The following FGF12 variants were observed in gnomAD, a reference collection of about 807,000 sequenced individuals.
The protein encoded by FGF12 is fibroblast growth factor 12B.
In FGF12, 14 loss-of-function variants were observed where a neutral mutation model predicts 23.6. That is an observed-to-expected ratio of 0.59 (90% CI 0.39 to 0.93). The LOEUF (loss-of-function observed/expected upper bound fraction) is 0.93, where lower values mean the gene tolerates loss of function less well. Among genes scored for constraint, FGF12 ranks in the 40% least tolerant of loss-of-function variants. FGF12 has a pLI of 0.00. For missense variants in FGF12, 175 were observed against 217.8 expected, an observed-to-expected ratio of 0.80 and a Z score of 1.24; for synonymous variants, 62 against 77.3, an observed-to-expected ratio of 0.80 and a Z score of 1.04.
chr3:192,225,934 C>T (rs1165879486), intron 4 of FGF12, among the ~76,000 whole-genome samples: 2 of 152,130 alleles, frequency 1.3e-5, no homozygotes, highest in Admixed American at 6.6e-5. Context: ...AAACTGATGG[C>T]TGCCAGGGGC....
intron 2 of FGF12, among the ~76,000 whole-genome samples, chr3:192,668,286 C>T (rs144121307): frequency 1.3e-5 from 2 of 152,202 alleles, no homozygotes; most frequent in East Asian, 3.9e-4. Flanking sequence ...GGAACCAGAG[C>T]GGCAACCCAC....
intron 2 of FGF12, among the ~76,000 whole-genome samples, chr3:192,372,391 TCACACACA>T (rs58664869): frequency 1.3e-5 from 2 of 149,090 alleles, no homozygotes; most frequent in African/African-American, 2.4e-5. Context: ...TTTCATACCA[TCACACACA>T]CACACACACA....
At chr3:192,549,141 G>A (rs1560147096) in intron 2 of FGF12, among the ~76,000 whole-genome samples, 1 of 152,206 alleles carries the variant, frequency 6.6e-6, no homozygotes, top group Non-Finnish European at 1.5e-5. Flanking sequence ...TATCAAAGCT[G>A]TTGAAAGATT....
intron 2 of FGF12, among the ~76,000 whole-genome samples, chr3:192,668,207 G>T (rs530089061): frequency 2.0e-5 from 3 of 151,568 alleles, no homozygotes; most frequent in East Asian, 3.9e-4. Context: ...GTAACTAAAA[G>T]ATGCAACAAA....
intron 2 of FGF12, among the ~76,000 whole-genome samples, chr3:192,640,790 CT>C (rs34132622): frequency 8.8e-4 from 107 of 122,212 alleles, no homozygotes; most frequent in African/African-American, 2.9e-3. Context: ...GTTAAAACCC[CT>C]TTTTTTTGTT....
rs140660234 is a variant in FGF12, at chr3:192,317,724, T to G, written c.228+17637A>C. Among the ~76,000 whole-genome samples the G allele has an allele frequency of 1.3e-3, 199 of 152,226 alleles. 1 individual carries two copies. Among genetic ancestry groups the G allele is most frequent in the African/African-American group, 4.5e-3 (188 of 41,542 alleles). On this transcript the variant is annotated intron_variant, in intron 4 of 5. Coordinates refer to ENST00000445105, the MANE Select transcript of FGF12 (RefSeq NM_004113.6). ...CTGCTGATTACAGAGCCCTTGGGCC[T>G]TGAGTGAACATAGGTAGTAACCAGA...
intron 4 of FGF12, among the ~76,000 whole-genome samples, chr3:192,190,577 G>T (rs573871000): frequency 7.0e-6 from 1 of 143,068 alleles, no homozygotes; most frequent in African/African-American, 2.6e-5. Flanking sequence ...CCGGGTTCAC[G>T]CCATTCTCCT....
rs1023802121 is a variant in FGF12 at position 192,146,515 on chromosome 3, C to T, written c.428-2388G>A. On this transcript the variant is annotated intron_variant, in intron 5 of 5. Coordinates refer to ENST00000445105, the MANE Select transcript of FGF12 (RefSeq NM_004113.6). The stretch of plus-strand genomic sequence containing the variant: ...CGATCTCCTAACCTCGTGATCCACC[C>T]GCCTCGACCTCCCAAAGTGCTGGGA... Among the ~76,000 whole-genome samples the T allele has an allele frequency of 3.9e-5, 6 of 152,052 alleles. No individual in the cohort carries two copies. The East Asian group carries it at 9.7e-4, about 24-fold the overall frequency.
intron 2 of FGF12, among the ~76,000 whole-genome samples, chr3:192,508,868 A>C (rs1290322477): frequency 1.3e-5 from 2 of 152,212 alleles, no homozygotes; most frequent in Non-Finnish European, 2.9e-5. Flanking sequence ...TGAATTAATT[A>C]TTCCTTCCTT....
chr3:192,230,376 T>G (rs1226455341), intron 4 of FGF12, among the ~76,000 whole-genome samples: 1 of 152,304 alleles, frequency 6.6e-6, no homozygotes, highest in Non-Finnish European at 1.5e-5. Flanking sequence ...ATACTCTTGA[T>G]GTATTTGTTT....
chr3:192,420,055 G>A (rs908088315), intron 2 of FGF12, among the ~76,000 whole-genome samples: 13 of 152,240 alleles, frequency 8.5e-5, no homozygotes, highest in South Asian at 4.1e-4. Flanking sequence ...TAGGTTGTTC[G>A]TCAAAACTAC....
At chr3:192,317,376 C>A (rs1232577996) in intron 4 of FGF12, among the ~76,000 whole-genome samples, 1 of 151,840 alleles carries the variant, frequency 6.6e-6, no homozygotes, top group Non-Finnish European at 1.5e-5. Context: ...AGACCCAGCC[C>A]TGGCAACGTT....
At chr3:192,446,570 T>C (rs1463673073) in intron 2 of FGF12, among the ~76,000 whole-genome samples, 1 of 152,228 alleles carries the variant, frequency 6.6e-6, no homozygotes, top group Non-Finnish European at 1.5e-5. Flanking sequence ...CCCGTGGGTC[T>C]TTAAAGATGC....
intron 4 of FGF12, among the ~76,000 whole-genome samples, chr3:192,190,507 G>A (rs1441140903): frequency 2.7e-5 from 3 of 109,450 alleles, no homozygotes; most frequent in South Asian, 2.9e-4. Flanking sequence ...ACTGAGTCTC[G>A]CTCTGTCGCC....
chr3:192,157,833 A>C (rs918818281), intron 5 of FGF12, among the ~76,000 whole-genome samples: 9 of 152,352 alleles, frequency 5.9e-5, no homozygotes, highest in African/African-American at 2.2e-4. Context: ...AGTCATCCTC[A>C]TAATAATATC....
chr3:192,378,880 A>G (rs1335601608), intron 2 of FGF12, among the ~76,000 whole-genome samples: 1 of 152,090 alleles, frequency 6.6e-6, no homozygotes, highest in Non-Finnish European at 1.5e-5. Flanking sequence ...AGTACCCAAT[A>G]GTTATTTTTT....
intron 2 of FGF12, among the ~76,000 whole-genome samples, chr3:192,392,042 G>T (rs749432355): frequency 6.6e-6 from 1 of 152,198 alleles, no homozygotes; most frequent in African/African-American, 2.4e-5. Flanking sequence ...AGCCACTCCC[G>T]ACTTGCTGAA....
chr3:192,220,960 A>G (rs1029463908), intron 4 of FGF12, among the ~76,000 whole-genome samples: 5 of 152,152 alleles, frequency 3.3e-5, no homozygotes, highest in Non-Finnish European at 5.9e-5. Context: ...TCCTCCAAAT[A>G]TTGTATCTTA....
In FGF12 at chr3:192,252,055, T is replaced by C. The variant is rs528580781; in HGVS notation, c.229-81399A>G. 5.3e-5 allele frequency among the ~76,000 whole-genome samples: 8 copies of C among 152,268 alleles called. No individual in the cohort carries two copies. In the East Asian group the frequency reaches 1.5e-3, roughly 29 times the overall value. ...ACAAGATGACAGGTAATTGCATGCT[T>C]AATTTTTTTTTGTGTGTAAGTCTTT... is the stretch of plus-strand genomic sequence containing the variant. On this transcript the variant is annotated intron_variant, in intron 4 of 5. Coordinates refer to ENST00000445105, the MANE Select transcript of FGF12 (RefSeq NM_004113.6).
Sources: allele counts gnomAD v4.1 joint callset (sites outside exome capture counted in the v4.1 genomes callset), GRCh38; gene constraint gnomAD v4.1.1; transcripts MANE v1.5; gene names NCBI Gene and HGNC (gene_info 2026-07-23, HGNC 2026-07-21).